Variants in CCDC141 observed in about 807,000 individuals in gnomAD.
The protein encoded by CCDC141 is coiled-coil domain containing 141.
Under a neutral mutation model 181.0 loss-of-function variants are expected in CCDC141, and 168 were observed. That is an observed-to-expected ratio of 0.93 (90% CI 0.82 to 1.05). The LOEUF (loss-of-function observed/expected upper bound fraction) is 1.05, where lower values mean the gene tolerates loss of function less well. Ranked by LOEUF, CCDC141 falls within the 50% of genes least tolerant of loss-of-function variation. The probability of loss-of-function intolerance (pLI) is 0.00; values close to 1 mark genes in which losing one functional copy is unlikely to be tolerated. For missense variants in CCDC141, 1,902 were observed against 1,788.5 expected (o/e 1.06, Z -1.14); for synonymous variants, 666 against 642.3 (o/e 1.04, Z -0.56).
chr2:179,003,056 G>A (rs549013708), intron 2 of CCDC141, among the ~76,000 whole-genome samples: 1 of 152,194 alleles, frequency 6.6e-6, no homozygotes, highest in African/African-American at 2.4e-5. Context: ...GATCTATTTT[G>A]CCCAGTGATT....
At chr2:178,941,938 GAC>G (rs1230084808) in intron 6 of CCDC141, among the ~76,000 whole-genome samples, 1 of 112,076 alleles carries the variant, frequency 8.9e-6, no homozygotes, top group Non-Finnish European at 1.6e-5. Context: ...CAGCCTGAGT[GAC>G]AGAGAGAGAT....
chr2:178,982,261 A>G (rs891579852), intron 2 of CCDC141, among the ~76,000 whole-genome samples: 1 of 152,252 alleles, frequency 6.6e-6, no homozygotes, highest in Non-Finnish European at 1.5e-5. Context: ...CAGCAAAGTT[A>G]CAGAGTATAA....
intron 5 of CCDC141, among the ~76,000 whole-genome samples, chr2:178,950,854 G>A (rs547169455): frequency 1.2e-4 from 19 of 152,214 alleles, no homozygotes; most frequent in Admixed American, 3.9e-4. Context: ...TTCCTGTTTA[G>A]AATAATAATT....
At chr2:178,819,620 GAC>G in the CCDC141 span, among the ~76,000 whole-genome samples, 2 of 152,084 alleles carry the variant, frequency 1.3e-5, no homozygotes, top group Non-Finnish European at 1.5e-5. Flanking sequence ...GGGGATATTT[GAC>G]AATATTTGGA....
intron 4 of CCDC141, among the ~76,000 whole-genome samples, chr2:178,965,651 C>T (rs1354370129): frequency 6.6e-6 from 1 of 152,214 alleles, no homozygotes; most frequent in Non-Finnish European, 1.5e-5. Context: ...GTGCCCACCC[C>T]ACCAGGGCCC....
At chr2:178,959,789 C>T (rs886904656) in intron 5 of CCDC141, among the ~76,000 whole-genome samples, 1 of 152,196 alleles carries the variant, frequency 6.6e-6, no homozygotes, top group Non-Finnish European at 1.5e-5. Flanking sequence ...GAATAAATGA[C>T]TGGCATCTGC....
rs1575112506 is a variant in CCDC141, at chr2:178,836,959, G to T, written c.4260C>A (p.Val1420=). Residue 1420 remains valine (V), a synonymous_variant, in exon 23 of 24, where the codon GTC becomes GTA. Transcript: ENST00000443758. ...NFSRLLSNVT[V]MEGSPVTLEV... ...CCAAAGTCACTGGAGAACCTTCCAT[G>T]ACAGTTACATTAGACAGGAGCCTGG... 1 of 1,613,898 alleles carries T rather than the reference G, an allele frequency of 6.2e-7. No homozygotes were observed. Among genetic ancestry groups the T allele is most frequent in the East Asian group, 2.2e-5 (1 of 44,850 alleles).
rs1252766006 is a variant in CCDC141 at position 179,047,371 on chromosome 2, T to C, written c.138A>G (p.Ser46=). The C allele has an allele frequency of 6.5e-7, 1 of 1,534,716 alleles. No individual in the cohort carries two copies. Among genetic ancestry groups the C allele is most frequent in the Non-Finnish European group, 8.8e-7 (1 of 1,142,248 alleles). The change falls in exon 2 of 24, where the codon TCA becomes TCG. Residue 46 remains serine (S), a synonymous_variant. Transcript: ENST00000443758. ...TGCCAATTTCTAGAAGATTGGGCTG[T>C]GATTCAGCCAGTTGAAGTTGTACCC... ...GKWVQLQLAE[S]QPNLLEIGSS... is the part of the protein sequence containing the mutation.
chr2:178,867,273 G>GGCCAGAGCT (rs1685896293), intron 16 of CCDC141, among the ~76,000 whole-genome samples: 1 of 152,144 alleles, frequency 6.6e-6, no homozygotes, highest in African/African-American at 2.4e-5. Flanking sequence ...TGGTCTTCCA[G>GGCCAGAGCT]ATCTGCAATG....
chr2:178,968,580 T>G (rs1690738286), intron 4 of CCDC141, among the ~76,000 whole-genome samples: 1 of 152,092 alleles, frequency 6.6e-6, no homozygotes, highest in African/African-American at 2.4e-5. Context: ...TGGGACACAT[T>G]TAAAGCAGTG....
chr2:178,958,271 ACAT>A lies in CCDC141; in HGVS notation c.780+2956_780+2958del, dbSNP rs371612092. On this transcript the variant is annotated intron_variant, in intron 5 of 23. Coordinates refer to ENST00000443758, the MANE Select transcript of CCDC141 (RefSeq NM_173648.4). ...ACATGGAATTGGACATTTGGAATGT[ACAT>A]CATCAAGAGTGAACCTTCATGTAAA... Among the ~76,000 whole-genome samples, 96 of 152,286 alleles carry A rather than the reference ACAT, an allele frequency of 6.3e-4. 3 individuals are homozygous for A. In the East Asian group the frequency reaches 0.017, roughly 26 times the overall value.
intron 2 of CCDC141, among the ~76,000 whole-genome samples, chr2:179,004,746 T>C (rs2042076593): frequency 6.6e-6 from 1 of 152,204 alleles, no homozygotes; most frequent in Non-Finnish European, 1.5e-5. Flanking sequence ...TTTTTTTGTT[T>C]TTGAGACAGA....
intron 2 of CCDC141, among the ~76,000 whole-genome samples, chr2:179,042,691 C>T (rs543286933): frequency 9.9e-5 from 15 of 152,220 alleles, no homozygotes; most frequent in Admixed American, 4.6e-4. Flanking sequence ...CACAATGGAC[C>T]GGAATCTCTG....
intron 17 of CCDC141, 64 bp downstream of exon 17, chr2:178,865,703 A>G: frequency 7.3e-7 from 1 of 1,369,388 alleles, no homozygotes; most frequent in Non-Finnish European, 9.6e-7. Context: ...GGACATTTAG[A>G]CACATGCTTT....
rs1184565541 is a variant in CCDC141, at chr2:178,831,438, G to T, written c.*2735C>A. ...AACCTGCTAGACAAATTCTAAAAGA[G>T]CTGTAACACATGTAATTTTTAAACT... On this transcript the variant is annotated 3_prime_UTR_variant, in exon 24 of 24. Coordinates refer to ENST00000443758, the MANE Select transcript of CCDC141 (RefSeq NM_173648.4). The T allele has an allele frequency of 6.6e-6, 1 of 152,158 alleles. No individual in the cohort carries two copies. The highest frequency in any genetic ancestry group is 2.4e-5 in the African/African-American group (1 of 41,458). 9.4% of individuals were successfully genotyped at this position (152,158 alleles called of 1,614,324 possible). A position where few individuals can be genotyped will look rare whatever the true frequency, so the allele number is the denominator to read the frequency against.
intron 11 of CCDC141, among the ~76,000 whole-genome samples, chr2:178,882,228 G>A (rs1448465384): frequency 3.9e-5 from 6 of 151,918 alleles, no homozygotes; most frequent in African/African-American, 1.2e-4. Flanking sequence ...AAAATTAGCC[G>A]GGTATGGTGG....
Position 178,881,913 on chromosome 2 carries a change from TCTCACACACACA to T in CCDC141, c.1719+2976_1719+2987del, listed in dbSNP as rs1341250352. ...CTGTCTCTCTCTCTCTCTCTCTCTC[TCTCACACACACA>T]CACACACACACACACACACACACAC... On this transcript the variant is annotated intron_variant, in intron 11 of 23. Transcript: ENST00000443758. 2.5e-3 allele frequency among the ~76,000 whole-genome samples: 277 copies of T among 110,992 alleles called. 1 individual carries two copies. The highest frequency in any genetic ancestry group is 4.2e-3 in the Non-Finnish European group (229 of 55,134). 72.8% of individuals were successfully genotyped at this position (110,992 alleles called of 152,430 possible).
At chr2:178,857,497 A>G (rs967757044) in intron 17 of CCDC141, among the ~76,000 whole-genome samples, 5 of 152,186 alleles carry the variant, frequency 3.3e-5, no homozygotes, top group South Asian at 2.1e-4. Context: ...ATATAGCTAT[A>G]CATAGGGGAT....
intron 6 of CCDC141, among the ~76,000 whole-genome samples, chr2:178,935,294 A>T (rs1689240132): frequency 6.6e-6 from 1 of 151,846 alleles, no homozygotes; most frequent in Admixed American, 6.6e-5. Flanking sequence ...CCTCAAGAAG[A>T]CCCCAGTGTC....
Sources: gnomAD v4.1 joint callset for allele counts (sites outside exome capture counted in the v4.1 genomes callset) on GRCh38, gnomAD v4.1.1 for gene constraint, MANE v1.5 for transcripts, NCBI Gene and HGNC (gene_info 2026-07-23, HGNC 2026-07-21) for gene names.